SAMTOR: variants seen among roughly 807,000 people sequenced by gnomAD.
The protein encoded by SAMTOR is UPF0532 protein C7orf60.
At chr7:112,833,663 T>C in the SAMTOR span, among the ~76,000 whole-genome samples, 17 of 152,300 alleles carry the variant, frequency 1.1e-4, no homozygotes, top group East Asian at 2.5e-3. Flanking sequence ...TTCTTATAAA[T>C]TGAATTTTCT....
chr7:112,919,050 G>A, the SAMTOR span, among the ~76,000 whole-genome samples: 4 of 152,144 alleles, frequency 2.6e-5, no homozygotes, highest in African/African-American at 7.2e-5. Flanking sequence ...GAGACAGAAA[G>A]TTAACAAAGG....
the SAMTOR span, among the ~76,000 whole-genome samples, chr7:112,869,155 A>G: frequency 6.6e-6 from 1 of 151,890 alleles, no homozygotes; most frequent in African/African-American, 2.4e-5. Context: ...ATGAATTCGG[A>G]GAGTGGGGGT....
chr7:112,866,799 G>C, the SAMTOR span, among the ~76,000 whole-genome samples: 2 of 152,186 alleles, frequency 1.3e-5, no homozygotes, highest in Non-Finnish European at 2.9e-5. Context: ...ACTACATCTC[G>C]AAAGTGTTTA....
At chr7:112,930,048 G>C in the SAMTOR span, among the ~76,000 whole-genome samples, 1 of 152,056 alleles carries the variant, frequency 6.6e-6, no homozygotes, top group Non-Finnish European at 1.5e-5. Flanking sequence ...CAATTTATTT[G>C]ATTCTGACTT....
chr7:112,925,972 A>C, the SAMTOR span, among the ~76,000 whole-genome samples: 4 of 152,098 alleles, frequency 2.6e-5, no homozygotes, highest in South Asian at 8.3e-4. Context: ...AAGCATACCG[A>C]ATGTGTCCAG....
chr7:112,884,148 T>C, the SAMTOR span, among the ~76,000 whole-genome samples: 2 of 152,238 alleles, frequency 1.3e-5, no homozygotes, highest in South Asian at 4.1e-4. Context: ...ATGGGGGTAA[T>C]TGCCCCATTA....
chr7:112,835,273 C>G, the SAMTOR span, among the ~76,000 whole-genome samples: 1 of 152,040 alleles, frequency 6.6e-6, no homozygotes, highest in Non-Finnish European at 1.5e-5. Context: ...TGAAAAATGA[C>G]ATTTGTGTTT....
chr7:112,888,305 A>G, the SAMTOR span, among the ~76,000 whole-genome samples: 1 of 152,164 alleles, frequency 6.6e-6, no homozygotes, highest in African/African-American at 2.4e-5. Context: ...CTGTATAATG[A>G]TCTATCTTTT....
At chr7:112,861,765 G>GC in the SAMTOR span, among the ~76,000 whole-genome samples, 4 of 152,110 alleles carry the variant, frequency 2.6e-5, no homozygotes, top group South Asian at 8.3e-4. Context: ...AAATAGTACA[G>GC]CCATTAGATT....
the SAMTOR span, among the ~76,000 whole-genome samples, chr7:112,865,277 C>T: frequency 6.6e-6 from 1 of 151,544 alleles, no homozygotes; most frequent in African/African-American, 2.4e-5. Context: ...AGCAAGACCC[C>T]CCATCTCTCT....
the SAMTOR span, among the ~76,000 whole-genome samples, chr7:112,874,713 ATC>A: frequency 1.3e-5 from 2 of 150,344 alleles, no homozygotes; most frequent in African/African-American, 4.9e-5. Context: ...ACATATATTT[ATC>A]TGTCTTAATC....
chr7:112,889,562 G>C, the SAMTOR span, among the ~76,000 whole-genome samples: 1 of 152,078 alleles, frequency 6.6e-6, no homozygotes. Flanking sequence ...TTTTTAGAAT[G>C]AACAAAATCT....
At chr7:112,872,239 T>C in the SAMTOR span, among the ~76,000 whole-genome samples, 3 of 152,154 alleles carry the variant, frequency 2.0e-5, no homozygotes, top group African/African-American at 7.2e-5. Context: ...AGTAAAATAC[T>C]AGCAAACCAA....
the SAMTOR span, among the ~76,000 whole-genome samples, chr7:112,866,022 T>C: frequency 1.3e-5 from 2 of 151,780 alleles, no homozygotes; most frequent in African/African-American, 4.8e-5. Context: ...CCTCTAACAT[T>C]CTATATTAGA....
At chr7:112,924,266 C>T in the SAMTOR span, among the ~76,000 whole-genome samples, 9 of 151,946 alleles carry the variant, frequency 5.9e-5, no homozygotes, top group Non-Finnish European at 1.0e-4. Flanking sequence ...AAAATTCTTC[C>T]TCCACTTAAG....
At chr7:112,922,157 T>C in the SAMTOR span, among the ~76,000 whole-genome samples, 50 of 152,310 alleles carry the variant, frequency 3.3e-4, no homozygotes, top group African/African-American at 1.1e-3. Flanking sequence ...GGGGTTTCGC[T>C]GTGTTGGCCG....
chr7:112,841,120 A>T, the SAMTOR span, among the ~76,000 whole-genome samples: 2 of 152,014 alleles, frequency 1.3e-5, no homozygotes, highest in Non-Finnish European at 2.9e-5. Context: ...GGGTATTCAA[A>T]TAGGAAAAGA....
At chr7:112,850,996 T>C in the SAMTOR span, among the ~76,000 whole-genome samples, 1 of 152,158 alleles carries the variant, frequency 6.6e-6, no homozygotes, top group African/African-American at 2.4e-5. Context: ...ATAAAATATC[T>C]GGGAGTACAT....
the SAMTOR span, among the ~76,000 whole-genome samples, chr7:112,909,182 G>C: frequency 2.0e-5 from 3 of 152,128 alleles, no homozygotes; most frequent in African/African-American, 7.2e-5. Context: ...ATCACTAGTG[G>C]AGAAGTTGAA....
Sources: gnomAD v4.1 joint callset for allele counts (sites outside exome capture counted in the v4.1 genomes callset) on GRCh38, gnomAD v4.1.1 for gene constraint, MANE v1.5 for transcripts, NCBI Gene and HGNC (gene_info 2026-07-23, HGNC 2026-07-21) for gene names.